Variants in MARCHF5 observed in about 807,000 individuals in gnomAD.
MARCHF5 encodes the protein E3 ubiquitin-protein ligase MARCHF5.
MARCHF5 carries 5 observed loss-of-function variants against 36.5 expected under a neutral mutation model. That is an observed-to-expected ratio of 0.14 (90% confidence interval 0.07 to 0.29). The LOEUF (loss-of-function observed/expected upper bound fraction) is 0.29. Ranked by LOEUF, MARCHF5 falls within the 10% of genes least tolerant of loss-of-function variation. The pLI is 1.00. For synonymous variants in MARCHF5, 103 were observed against 109.9 expected, an observed-to-expected ratio of 0.94 and a Z score of 0.39; for missense variants, 179 against 336.3, an observed-to-expected ratio of 0.53 and a Z score of 3.66.
chr10:92,325,885 G>T (rs1447950052), intron 2 of MARCHF5, among the ~76,000 whole-genome samples: 1 of 152,128 alleles, frequency 6.6e-6, no homozygotes, highest in Non-Finnish European at 1.5e-5. Context: ...CACCATGTTG[G>T]CCAGGCTGGT....
At chr10:92,343,135 G>C (rs1200610760) in intron 3 of MARCHF5, among the ~76,000 whole-genome samples, 1 of 152,206 alleles carries the variant, frequency 6.6e-6, no homozygotes, top group African/African-American at 2.4e-5. Context: ...TCTGCTTTAA[G>C]GCTGTTGGGC....
chr10:92,314,719 C>CA (rs1201992854), intron 2 of MARCHF5, among the ~76,000 whole-genome samples: 4 of 141,176 alleles, frequency 2.8e-5, no homozygotes, highest in Non-Finnish European at 6.0e-5. Context: ...AACAGAAAAA[C>CA]AGAGTATTTG....
chr10:92,310,425 T>C (rs1843129978), intron 1 of MARCHF5, among the ~76,000 whole-genome samples: 1 of 152,064 alleles, frequency 6.6e-6, no homozygotes, highest in Non-Finnish European at 1.5e-5. Context: ...AAAAGCAAAG[T>C]GGGAAAATGT....
Position 92,321,694 on chromosome 10 carries a change from G to A in MARCHF5, c.238+10357G>A, listed in dbSNP as rs114455448. On this transcript the variant is annotated intron_variant, in intron 2 of 5. Transcript: ENST00000358935. ...TCCTGGGCTTTTCTTCATGGAAAATGTTTTAATTACTAATTCAATCTCATT... is the reference window on the plus strand; with the variant it reads ...TCCTGGGCTTTTCTTCATGGAAAATATTTTAATTACTAATTCAATCTCATT... 9.2e-3 allele frequency among the ~76,000 whole-genome samples: 1,394 copies of A among 152,094 alleles called. 28 individuals are homozygous for A. The highest frequency in any genetic ancestry group is 0.032 in the African/African-American group (1,320 of 41,402).
At chr10:92,341,379 G>A (rs1443225039) in intron 3 of MARCHF5, among the ~76,000 whole-genome samples, 2 of 152,010 alleles carry the variant, frequency 1.3e-5, no homozygotes, top group African/African-American at 4.8e-5. Flanking sequence ...CTCCAGCACA[G>A]GCGACAGAGC....
At chr10:92,304,798 C>T (rs1166692396) in intron 1 of MARCHF5, among the ~76,000 whole-genome samples, 10 of 152,052 alleles carry the variant, frequency 6.6e-5, no homozygotes, top group Non-Finnish European at 1.5e-5. Flanking sequence ...TTACCGATCC[C>T]CACCCCCTAA....
intron 2 of MARCHF5, among the ~76,000 whole-genome samples, chr10:92,322,050 GC>G (rs1420319449): frequency 6.6e-6 from 1 of 151,536 alleles, no homozygotes; most frequent in Non-Finnish European, 1.5e-5. Flanking sequence ...TTCAAGACCA[GC>G]CTGACCAACA....
At position 92,328,337 on chromosome 10, in the gene MARCHF5, CT is replaced by C. The variant is rs946503697; in HGVS notation, c.239-12320del. Among the ~76,000 whole-genome samples the C allele has an allele frequency of 9.7e-3, 1,204 of 123,496 alleles. 6 individuals carry two copies. Among genetic ancestry groups the C allele is most frequent in the Middle Eastern group, 0.029 (7 of 238 alleles). 81.0% of individuals were successfully genotyped at this position (123,496 alleles called of 152,430 possible). ...GCCACATTTCTCCACTGTAAAGTTA[CT>C]TTTTTTTTTTTTTTTGCCCTTTTTT... On this transcript the variant is annotated intron_variant, in intron 2 of 5. Coordinates refer to ENST00000358935, the MANE Select transcript of MARCHF5 (RefSeq NM_017824.5).
chr10:92,297,511 CAG>C (rs1178030441), intron 1 of MARCHF5, among the ~76,000 whole-genome samples: 4 of 120,870 alleles, frequency 3.3e-5, no homozygotes, highest in Non-Finnish European at 6.6e-5. Context: ...TTTTTTGAGA[CAG>C]AGTCTCACCC....
At chr10:92,318,308 C>A (rs537145218) in intron 2 of MARCHF5, among the ~76,000 whole-genome samples, 1 of 151,698 alleles carries the variant, frequency 6.6e-6, no homozygotes, top group Non-Finnish European at 1.5e-5. Flanking sequence ...CACCTATAGT[C>A]CCAGCTACTC....
chr10:92,314,019 C>T (rs771003787), intron 2 of MARCHF5, among the ~76,000 whole-genome samples: 5 of 151,970 alleles, frequency 3.3e-5, no homozygotes, highest in African/African-American at 1.2e-4. Context: ...ATAGCAAAAC[C>T]TTGTCTCTCT....
chr10:92,328,821 A>ATATATT (rs372130854), intron 2 of MARCHF5, among the ~76,000 whole-genome samples: 5 of 122,442 alleles, frequency 4.1e-5, no homozygotes, highest in East Asian at 2.3e-4. Flanking sequence ...ATATATATAT[A>ATATATT]TTTTTTTTTT....
rs778172485 is a variant in MARCHF5 at position 92,349,538 on chromosome 10, G to T, written c.553+6G>T. Reference sequence around the variant, plus strand: ...TTTAAATAGTATATTTCCAGGTAAGGCACTGAACTGTGGTTGTAAAGTGCA... The same window carrying T: ...TTTAAATAGTATATTTCCAGGTAAGTCACTGAACTGTGGTTGTAAAGTGCA... On this transcript the variant is annotated splice_donor_region_variant and intron_variant, in intron 4 of 5. Transcript: ENST00000358935. 2 of 1,611,010 alleles carry T rather than the reference G, an allele frequency of 1.2e-6. No homozygotes were observed. Among genetic ancestry groups the T allele is most frequent in the Non-Finnish European group, 1.7e-6 (2 of 1,178,596 alleles).
intron 2 of MARCHF5, among the ~76,000 whole-genome samples, chr10:92,328,804 T>C (rs1459045449): frequency 1.0e-5 from 1 of 96,850 alleles, no homozygotes; most frequent in African/African-American, 3.3e-5. Flanking sequence ...GAGGTTATTA[T>C]ATATATATAT....
intron 1 of MARCHF5, among the ~76,000 whole-genome samples, chr10:92,310,116 C>T (rs948740958): frequency 6.6e-6 from 1 of 152,080 alleles, no homozygotes; most frequent in East Asian, 1.9e-4. Context: ...ACTGGAGAAC[C>T]TCACCCATCT....
intron 5 of MARCHF5, among the ~76,000 whole-genome samples, chr10:92,350,715 A>G (rs1222073225): frequency 1.3e-5 from 2 of 152,208 alleles, no homozygotes; most frequent in Admixed American, 6.5e-5. Context: ...CTGTTTGGTC[A>G]TATAGCCTCC....
intron 2 of MARCHF5, among the ~76,000 whole-genome samples, chr10:92,339,602 G>A (rs192807284): frequency 1.1e-4 from 17 of 152,202 alleles, no homozygotes; most frequent in South Asian, 1.0e-3. Context: ...CCCAAGAGGC[G>A]GAGGTTGCAG....
chr10:92,327,037 C>T (rs1825065277), intron 2 of MARCHF5, among the ~76,000 whole-genome samples: 1 of 152,056 alleles, frequency 6.6e-6, no homozygotes, highest in Non-Finnish European at 1.5e-5. Flanking sequence ...CTTCTCCTCT[C>T]CCTCTCTCCC....
At chr10:92,308,975 G>T (rs1843112225) in intron 1 of MARCHF5, among the ~76,000 whole-genome samples, 1 of 152,138 alleles carries the variant, frequency 6.6e-6, no homozygotes, top group African/African-American at 2.4e-5. Context: ...AAAGTGCTGG[G>T]ATTACAGGCT....
Sources: gnomAD v4.1 joint callset for allele counts (sites outside exome capture counted in the v4.1 genomes callset) on GRCh38, gnomAD v4.1.1 for gene constraint, MANE v1.5 for transcripts, NCBI Gene and HGNC (gene_info 2026-07-23, HGNC 2026-07-21) for gene names.